FLT1: variants seen among roughly 807,000 people sequenced by gnomAD.
FLT1 encodes the protein vascular endothelial growth factor receptor 1.
FLT1 carries 49 observed loss-of-function variants against 156.3 expected under a neutral mutation model. The ratio of observed to expected loss-of-function variants is 0.31; its 90% confidence interval spans 0.25 to 0.40. FLT1 has a LOEUF of 0.40. Ranked by LOEUF, FLT1 falls within the 10% of genes least tolerant of loss-of-function variation. The pLI, the probability that FLT1 is intolerant of heterozygous loss-of-function variation, is 1.00. For synonymous variants in FLT1, 594 were observed against 583.8 expected, an observed-to-expected ratio of 1.02 and a Z score of -0.25; for missense variants, 1,322 against 1,637.2, an observed-to-expected ratio of 0.81 and a Z score of 3.32.
intron 14 of FLT1, among the ~76,000 whole-genome samples, chr13:28,361,136 G>A (rs1285213828): frequency 2.6e-5 from 4 of 151,932 alleles, no homozygotes; most frequent in East Asian, 3.9e-4. Context: ...AAAATTAGCC[G>A]GGCGTGGTGG....
chr13:28,462,429 T>G (rs1020863264), intron 3 of FLT1, among the ~76,000 whole-genome samples: 4 of 152,220 alleles, frequency 2.6e-5, no homozygotes, highest in African/African-American at 9.7e-5. Flanking sequence ...ATTACTGTTC[T>G]TCTAGAAATT....
At chr13:28,464,363 A>G (rs1348503684) in intron 3 of FLT1, among the ~76,000 whole-genome samples, 2 of 152,236 alleles carry the variant, frequency 1.3e-5, no homozygotes, top group African/African-American at 4.8e-5. Flanking sequence ...GACATGATAA[A>G]TACATGACCT....
Position 28,325,816 on chromosome 13 carries a change from CAAAAAAAAAA to C in FLT1, c.2796+1636_2796+1645del, listed in dbSNP as rs377427677. On this transcript the variant is annotated intron_variant, in intron 20 of 29. Coordinates refer to ENST00000282397, the MANE Select transcript of FLT1 (RefSeq NM_002019.4). ...ACTGACAGAGAGAGAAACTCTGTCT[CAAAAAAAAAA>C]AAAAAAAAAAAAGGTTCTTATTATT... Among the ~76,000 whole-genome samples the C allele has an allele frequency of 7.0e-5, 5 of 71,168 alleles. No individual in the cohort carries two copies. The Admixed American group carries it at 7.7e-4, about 11-fold the overall frequency. The allele number at this position is 71,168 out of a possible 152,430, so 46.7% of individuals were successfully genotyped here. A position where few individuals can be genotyped will look rare whatever the true frequency, so the allele number is the denominator to read the frequency against.
intron 29 of FLT1, 80 bp downstream of exon 29, chr13:28,306,598 C>T (rs1468932236): frequency 1.0e-6 from 1 of 999,504 alleles, no homozygotes; most frequent in East Asian, 2.4e-5. Context: ...CTCAAACATC[C>T]CTCATTATAC....
intron 13 of FLT1, chr13:28,388,799 G>T: frequency 9.4e-7 from 1 of 1,058,966 alleles, no homozygotes; most frequent in African/African-American, 1.6e-5. Context: ...AATTGATTGT[G>T]GTACACCTTT....
chr13:28,362,253 G>A (rs1402633588), intron 14 of FLT1, among the ~76,000 whole-genome samples: 2 of 152,158 alleles, frequency 1.3e-5, no homozygotes, highest in African/African-American at 4.8e-5. Flanking sequence ...TCTTTTTGGG[G>A]CAAGTTCCTT....
intron 14 of FLT1, among the ~76,000 whole-genome samples, chr13:28,367,832 T>C (rs1295466310): frequency 6.6e-6 from 1 of 152,210 alleles, no homozygotes; most frequent in East Asian, 1.9e-4. Context: ...TCATCCACTT[T>C]GGCCAAACTA....
At chr13:28,379,753 A>G (rs1056075835) in intron 14 of FLT1, among the ~76,000 whole-genome samples, 1 of 152,212 alleles carries the variant, frequency 6.6e-6, no homozygotes, top group Non-Finnish European at 1.5e-5. Context: ...CTTTGGCTCA[A>G]GAATTTACTA....
intron 6 of FLT1, 61 bp from the exon 7 acceptor site, chr13:28,431,371 G>T: frequency 1.7e-6 from 2 of 1,203,050 alleles, no homozygotes; most frequent in Non-Finnish European, 2.5e-6. Flanking sequence ...AAGTTATATA[G>T]GATTTTAACA....
At chr13:28,412,846 G>A (rs1396715792) in intron 10 of FLT1, among the ~76,000 whole-genome samples, 1 of 150,722 alleles carries the variant, frequency 6.6e-6, no homozygotes, top group Admixed American at 6.7e-5. Flanking sequence ...ACAGGCCAGA[G>A]CCACCACGGC....
intron 23 of FLT1, among the ~76,000 whole-genome samples, chr13:28,320,315 T>G (rs1247201522): frequency 1.3e-5 from 2 of 152,128 alleles, no homozygotes; most frequent in African/African-American, 4.8e-5. Flanking sequence ...TTATTTTTAT[T>G]TTTTTATTTT....
chr13:28,447,354 T>TAA (rs1159206769), intron 3 of FLT1, among the ~76,000 whole-genome samples: 9 of 151,032 alleles, frequency 6.0e-5, no homozygotes, highest in South Asian at 2.1e-4. Context: ...AATTTTTTTT[T>TAA]AAAAATTTTT....
intron 1 of FLT1, among the ~76,000 whole-genome samples, chr13:28,475,226 C>T (rs1319373360): frequency 1.3e-5 from 2 of 152,170 alleles, no homozygotes; most frequent in Admixed American, 1.3e-4. Flanking sequence ...AAATTTTTAA[C>T]AAATTATGTC....
chr13:28,471,457 G>A (rs1283789373), intron 1 of FLT1, among the ~76,000 whole-genome samples: 2 of 152,196 alleles, frequency 1.3e-5, no homozygotes, highest in South Asian at 2.1e-4. Context: ...TCATGTCCAT[G>A]TACCTATCTG....
At chr13:28,430,337 A>G (rs1176917403) in intron 7 of FLT1, among the ~76,000 whole-genome samples, 170 bp from the exon 8 acceptor site, 1 of 152,188 alleles carries the variant, frequency 6.6e-6, no homozygotes, top group Non-Finnish European at 1.5e-5. Context: ...CTTTAAAAGC[A>G]CTGTAATTGG....
intron 1 of FLT1, 105 bp from the exon 2 acceptor site, chr13:28,467,722 T>C: frequency 1.5e-6 from 1 of 652,328 alleles, no homozygotes; most frequent in African/African-American, 1.8e-5. Context: ...TTTATTTACA[T>C]CTTTAATTTA....
intron 3 of FLT1, among the ~76,000 whole-genome samples, chr13:28,444,318 G>C (rs1374000694): frequency 2.0e-5 from 3 of 152,144 alleles, no homozygotes; most frequent in African/African-American, 7.2e-5. Flanking sequence ...ATGCACGCCT[G>C]AAGTCTCAAC....
rs1475572191 is a variant in FLT1 at position 28,321,504 on chromosome 13, G to A, written c.3133C>T (p.Arg1045Trp). 34 of 1,613,890 alleles carry A rather than the reference G, an allele frequency of 2.1e-5. No individual in the cohort carries two copies. Among genetic ancestry groups the A allele is most frequent in the African/African-American group, 2.7e-5 (2 of 74,884 alleles). ...TAATCGGGGTTCTTATAAATATCCC[G>A]GGCAAGGCCAAAATCACAAATCTTC... ...VVKICDFGLA[R>W]DIYKNPDYVR... The change falls in exon 23 of 30, where the codon CGG (arginine) becomes TGG (tryptophan). Residue 1045 changes from arginine (R) to tryptophan (W), a missense_variant. Transcript: ENST00000282397.
intron 7 of FLT1, 148 bp downstream of exon 7, chr13:28,430,988 A>G: frequency 1.4e-6 from 1 of 710,146 alleles, no homozygotes; most frequent in Non-Finnish European, 2.5e-6. Context: ...TTGCTTTTTG[A>G]CAGGGGGAGG....
Sources: gnomAD v4.1 joint callset for allele counts (sites outside exome capture counted in the v4.1 genomes callset) on GRCh38, gnomAD v4.1.1 for gene constraint, MANE v1.5 for transcripts, NCBI Gene and HGNC (gene_info 2026-07-23, HGNC 2026-07-21) for gene names.